SHISA6: variants seen among roughly 807,000 people sequenced by gnomAD.
SHISA6 encodes the protein shisa family member 6, also known as protein shisa-6.
Under a neutral mutation model 47.9 loss-of-function variants are expected in SHISA6, and 22 were observed. The ratio of observed to expected loss-of-function variants is 0.46; its 90% CI spans 0.33 to 0.66. The LOEUF (loss-of-function observed/expected upper bound fraction) is 0.66, where lower values mean the gene tolerates loss of function less well. SHISA6 is among the 30% of genes least tolerant of loss of function. The pLI is 0.02. For missense variants in SHISA6, 680 were observed against 764.6 expected, an observed-to-expected ratio of 0.89 and a Z score of 1.30; for synonymous variants, 388 against 337.8, an observed-to-expected ratio of 1.15 and a Z score of -1.63.
chr17:11,267,996 G>A (rs1908489589), intron 2 of SHISA6, among the ~76,000 whole-genome samples: 1 of 152,182 alleles, frequency 6.6e-6, no homozygotes, highest in Non-Finnish European at 1.5e-5. Flanking sequence ...ATGGGGAGCA[G>A]GAGAGACCCA....
Position 11,558,592 on chromosome 17 carries a change from A to C in SHISA6, c.*288A>C, listed in dbSNP as rs1199021907. On this transcript the variant is annotated 3_prime_UTR_variant, in exon 6 of 6. Coordinates refer to ENST00000441885, the MANE Select transcript of SHISA6 (RefSeq NM_207386.4). Reference sequence around the variant, plus strand: ...CCCATTCTCACCCCCGACCACCTTCACCAACTCCCTTTCCGTCCCGCGCCT... The same window carrying C: ...CCCATTCTCACCCCCGACCACCTTCCCCAACTCCCTTTCCGTCCCGCGCCT... 1.3e-5 allele frequency: 6 copies of C among 465,908 alleles called. No homozygotes were observed. The Admixed American group carries it at 1.9e-4, about 15-fold the overall frequency. The allele number at this position is 465,908 out of a possible 1,614,324, so 28.9% of individuals were successfully genotyped here.
At chr17:11,440,730 T>C (rs12946239) in intron 3 of SHISA6, among the ~76,000 whole-genome samples, 52,258 of 151,428 alleles carry the variant, frequency 0.35, 10,923 homozygotes, top group Non-Finnish European at 0.48. Context: ...TTGTTAGTCT[T>C]ACTGCCAAAA....
At chr17:11,252,901 G>T (rs1907868264) in intron 1 of SHISA6, among the ~76,000 whole-genome samples, 1 of 152,150 alleles carries the variant, frequency 6.6e-6, no homozygotes, top group African/African-American at 2.4e-5. Flanking sequence ...TGAGAAACTT[G>T]CCTGAAGTTT....
intron 3 of SHISA6, among the ~76,000 whole-genome samples, chr17:11,520,007 T>C (rs1369120697): frequency 2.0e-5 from 3 of 152,086 alleles, no homozygotes; most frequent in Admixed American, 2.0e-4. Flanking sequence ...CCTAGACCTT[T>C]TCTCTCTCCT....
At chr17:11,326,411 C>G in intron 2 of SHISA6, among the ~76,000 whole-genome samples, 1 of 152,106 alleles carries the variant, frequency 6.6e-6, no homozygotes, top group East Asian at 1.9e-4. Flanking sequence ...ACCCTGTGTG[C>G]ATTCATTTGT....
At chr17:11,350,994 A>T (rs1911871576) in intron 2 of SHISA6, among the ~76,000 whole-genome samples, 1 of 152,176 alleles carries the variant, frequency 6.6e-6, no homozygotes, top group Non-Finnish European at 1.5e-5. Context: ...CCTTGCAGAG[A>T]CATGGATGAA....
chr17:11,363,596 TG>T (rs1430220054), intron 2 of SHISA6, among the ~76,000 whole-genome samples: 1 of 152,146 alleles, frequency 6.6e-6, no homozygotes, highest in Non-Finnish European at 1.5e-5. Flanking sequence ...TTGTTATAGT[TG>T]GGGTGCAAAT....
chr17:11,246,202 A>G (rs1380428419), intron 1 of SHISA6, among the ~76,000 whole-genome samples: 1 of 152,160 alleles, frequency 6.6e-6, no homozygotes, highest in Non-Finnish European at 1.5e-5. Flanking sequence ...TTAAAAAAAA[A>G]ATGCTTCGCC....
intron 3 of SHISA6, among the ~76,000 whole-genome samples, chr17:11,546,974 G>A (rs906379815): frequency 6.6e-5 from 10 of 151,994 alleles, no homozygotes; most frequent in South Asian, 2.1e-4. Context: ...ATTTAATGTC[G>A]ATAAATGGTA....
In SHISA6 at chr17:11,241,414, G is replaced by A; in HGVS notation, c.-9G>A. On this transcript the variant is annotated 5_prime_UTR_variant, in exon 1 of 6. Transcript: ENST00000441885. This position sits in a 1 kb window ranked among gnomAD's most constrained non-coding sequence, Gnocchi z 5.5. The stretch of plus-strand genomic sequence containing the variant: ...GAAGCCTCCCCGCGCCCTCCCGCCC[G>A]GCCCCGCCATGGCGCTGCGGCGCCT... 2 of 1,114,128 alleles carry A rather than the reference G, an allele frequency of 1.8e-6. No homozygotes were observed. The highest frequency in any genetic ancestry group is 2.3e-5 in the South Asian group (1 of 43,796). The allele number at this position is 1,114,128 out of a possible 1,614,324, so 69.0% of individuals were successfully genotyped here.
At chr17:11,456,462 A>G (rs1915536284) in intron 3 of SHISA6, among the ~76,000 whole-genome samples, 2 of 152,196 alleles carry the variant, frequency 1.3e-5, no homozygotes, top group South Asian at 2.1e-4. Flanking sequence ...AGCACAGCTA[A>G]GTTCTAGCCT....
chr17:11,499,460 T>G (rs1406631834), intron 3 of SHISA6, among the ~76,000 whole-genome samples: 2 of 152,070 alleles, frequency 1.3e-5, no homozygotes, highest in African/African-American at 4.8e-5. Flanking sequence ...GTCTCCCATC[T>G]CAAGCCAGTG....
chr17:11,328,774 G>A (rs531260976), intron 2 of SHISA6, among the ~76,000 whole-genome samples: 1 of 152,138 alleles, frequency 6.6e-6, no homozygotes. Flanking sequence ...TGATGGAGAA[G>A]AAACAAAGAA....
At chr17:11,264,617 A>T (rs117218873) in intron 2 of SHISA6, among the ~76,000 whole-genome samples, 3 of 152,300 alleles carry the variant, frequency 2.0e-5, no homozygotes, top group Non-Finnish European at 4.4e-5. Flanking sequence ...TGAAATCTGC[A>T]CATCTATTGC....
At chr17:11,393,059 T>C (rs1418723465) in intron 3 of SHISA6, among the ~76,000 whole-genome samples, 1 of 152,248 alleles carries the variant, frequency 6.6e-6, no homozygotes, top group Non-Finnish European at 1.5e-5. Flanking sequence ...ACAAATTCTG[T>C]CATCTTAGCC....
intron 3 of SHISA6, among the ~76,000 whole-genome samples, chr17:11,402,067 G>C (rs77032706): frequency 0.02 from 2,800 of 140,470 alleles, 92 homozygotes; most frequent in African/African-American, 0.054. Context: ...ACATTGTAAG[G>C]GGCTCCTAAC....
chr17:11,343,427 A>G (rs563352662), intron 2 of SHISA6, among the ~76,000 whole-genome samples: 1 of 152,264 alleles, frequency 6.6e-6, no homozygotes, highest in African/African-American at 2.4e-5. Flanking sequence ...GTGTGATACC[A>G]GTGAGTGGAG....
At chr17:11,302,760 G>C (rs138579299) in intron 2 of SHISA6, among the ~76,000 whole-genome samples, 1 of 152,202 alleles carries the variant, frequency 6.6e-6, no homozygotes, top group African/African-American at 2.4e-5. Context: ...AGGGCCAAGA[G>C]GGCAGACCCG....
intron 3 of SHISA6, among the ~76,000 whole-genome samples, chr17:11,416,070 T>C (rs205019): frequency 0.69 from 104,437 of 151,938 alleles, 36,111 homozygotes; most frequent in African/African-American, 0.72. Context: ...ATAAGACCAC[T>C]AATTCCATTT....
Sources: gnomAD v4.1 joint callset for allele counts (sites outside exome capture counted in the v4.1 genomes callset) on GRCh38, gnomAD v4.1.1 for gene constraint, Gnocchi (gnomAD v3.1) non-coding constraint, MANE v1.5 for transcripts, NCBI Gene and HGNC (gene_info 2026-07-23, HGNC 2026-07-21) for gene names.